Variants in GABRA3 observed in about 807,000 individuals in gnomAD.
GABRA3 encodes the protein gamma-aminobutyric acid receptor subunit alpha-3.
GABRA3 carries 10 observed loss-of-function variants against 30.1 expected under a neutral mutation model. The ratio of observed to expected loss-of-function variants is 0.33; its 90% CI spans 0.20 to 0.56. GABRA3 has a LOEUF of 0.56. GABRA3 is among the 20% of genes least tolerant of loss of function. The probability of loss-of-function intolerance (pLI) is 0.89; values close to 1 mark genes in which losing one functional copy is unlikely to be tolerated. For missense variants in GABRA3, 233 were observed against 392.0 expected (o/e 0.59, Z 3.42); for synonymous variants, 151 against 146.8 (o/e 1.03, Z -0.21).
At chrX:152,225,992 G>A (rs12013024) in intron 5 of GABRA3, among the ~76,000 whole-genome samples, 2,690 of 110,529 alleles carry the variant, frequency 0.024, 45 homozygotes, top group Middle Eastern at 0.066. Context: ...CAGAAATCTC[G>A]CCTAATAAAA....
chrX:152,254,917 A>G (rs913512457), intron 5 of GABRA3, among the ~76,000 whole-genome samples: 4 of 111,834 alleles, frequency 3.6e-5, no homozygotes, highest in Non-Finnish European at 7.5e-5. Context: ...AGCAAACCCA[A>G]AAACCAAGAA....
chrX:152,327,935 A>G (rs888756309), intron 3 of GABRA3, among the ~76,000 whole-genome samples: 1 of 111,635 alleles, frequency 9.0e-6, no homozygotes, highest in Non-Finnish European at 1.9e-5. Flanking sequence ...AAAGATCAAC[A>G]AAATTGATAG....
intron 6 of GABRA3, among the ~76,000 whole-genome samples, chrX:152,211,052 T>G (rs1435114708): frequency 9.0e-6 from 1 of 110,883 alleles, no homozygotes; most frequent in East Asian, 2.9e-4. Flanking sequence ...CCCCTACTCC[T>G]AAGCAGGGAA....
intron 4 of GABRA3, among the ~76,000 whole-genome samples, chrX:152,263,156 G>A (rs1018395517): frequency 1.5e-4 from 17 of 110,846 alleles, no homozygotes; most frequent in Non-Finnish European, 1.9e-5. Flanking sequence ...TCCCTTCTGT[G>A]ACATGTGGGG....
rs1937345812 is a variant in GABRA3 at position 152,193,228 on chromosome X, G to A, written c.932-3287C>T. On this transcript the variant is annotated intron_variant, in intron 8 of 9. Transcript: ENST00000370314. ...TCCTTGGTCTTAGGTAACCACTGATGTGCTTTCATTTTCTATGGATTAGAT... is the reference window on the plus strand; with the variant it reads ...TCCTTGGTCTTAGGTAACCACTGATATGCTTTCATTTTCTATGGATTAGAT... 4.5e-5 allele frequency among the ~76,000 whole-genome samples: 5 copies of A among 110,868 alleles called. No homozygotes were observed. The South Asian group carries it at 1.9e-3, about 42-fold the overall frequency.
chrX:152,375,625 C>T (rs997701278), intron 1 of GABRA3, among the ~76,000 whole-genome samples: 4 of 111,985 alleles, frequency 3.6e-5, no homozygotes, highest in African/African-American at 1.3e-4. Flanking sequence ...GTTCATATGA[C>T]CTTCCACTGT....
intron 3 of GABRA3, among the ~76,000 whole-genome samples, chrX:152,339,097 T>C (rs768327029): frequency 7.2e-5 from 8 of 111,500 alleles, no homozygotes; most frequent in African/African-American, 2.6e-4. Context: ...AGAGATTACA[T>C]TGAGTCTGTA....
At chrX:152,179,730 G>A (rs1937121316) in intron 9 of GABRA3, among the ~76,000 whole-genome samples, 1 of 110,431 alleles carries the variant, frequency 9.1e-6, no homozygotes, top group Non-Finnish European at 1.9e-5. Context: ...TCCTGACCTC[G>A]TGATCTGCCC....
intron 2 of GABRA3, among the ~76,000 whole-genome samples, chrX:152,362,031 T>G (rs1005554131): frequency 1.8e-5 from 2 of 111,402 alleles, no homozygotes; most frequent in African/African-American, 3.3e-5. Flanking sequence ...GAACTGGTTT[T>G]ATTTTCCATT....
intron 1 of GABRA3, among the ~76,000 whole-genome samples, chrX:152,366,934 A>C (rs1285479825): frequency 9.0e-6 from 1 of 111,478 alleles, no homozygotes; most frequent in African/African-American, 3.3e-5. Context: ...AAAATTTTTC[A>C]CTGTAGCAGA....
At chrX:152,203,971 G>C (rs893563015) in intron 7 of GABRA3, among the ~76,000 whole-genome samples, 4 of 111,976 alleles carry the variant, frequency 3.6e-5, no homozygotes, top group Non-Finnish European at 7.5e-5. Flanking sequence ...CGCAAGAACT[G>C]AGTGTATATT....
chrX:152,168,238 C>A lies in GABRA3; in HGVS notation c.1469G>T (p.Arg490Leu), dbSNP rs78429013. ...CACTGCCACCACTATCTACTGTTTG[C>A]GGATCATGCCCTTGATAGCTGACTC... The part of the protein sequence containing the change: ...NRESAIKGMI[R>L]KQ The change falls in exon 10 of 10, where the codon CGC becomes CTC. Residue 490 changes from arginine to leucine, a missense_variant. Coordinates refer to ENST00000370314, the MANE Select transcript of GABRA3 (RefSeq NM_000808.4). The A allele has an allele frequency of 8.3e-7, 1 of 1,207,622 alleles. No individual in the cohort carries two copies. Among genetic ancestry groups the A allele is most frequent in the Admixed American group, 2.2e-5 (1 of 45,978 alleles).
At chrX:152,405,010 T>C (rs983625920) in intron 1 of GABRA3, among the ~76,000 whole-genome samples, 3 of 108,574 alleles carry the variant, frequency 2.8e-5, no homozygotes, top group African/African-American at 1.0e-4. Context: ...AAAATACTCA[T>C]GTAAGAGATC....
intron 5 of GABRA3, among the ~76,000 whole-genome samples, chrX:152,242,482 A>G (rs1182821663): frequency 8.9e-6 from 1 of 112,120 alleles, no homozygotes; most frequent in African/African-American, 3.2e-5. Context: ...GAGATAACCT[A>G]TGGAACGGGA....
intron 6 of GABRA3, among the ~76,000 whole-genome samples, chrX:152,215,337 T>G (rs778399115): frequency 4.5e-5 from 5 of 110,836 alleles, no homozygotes; most frequent in Non-Finnish European, 9.5e-5. Context: ...TACATTCTTT[T>G]TCTATACCTA....
chrX:152,317,619 C>G (rs1019525844), intron 3 of GABRA3, among the ~76,000 whole-genome samples: 20 of 111,794 alleles, frequency 1.8e-4, no homozygotes, highest in African/African-American at 6.2e-4. Context: ...ATCAAGTACT[C>G]TCTCAGACCA....
chrX:152,211,714 A>C (rs1303244892), intron 6 of GABRA3, among the ~76,000 whole-genome samples: 1 of 111,403 alleles, frequency 9.0e-6, no homozygotes, highest in South Asian at 3.8e-4. Flanking sequence ...TGCAATTTGG[A>C]ATATAGGAGT....
At chrX:152,372,913 A>G (rs1267532344) in intron 1 of GABRA3, among the ~76,000 whole-genome samples, 1 of 111,841 alleles carries the variant, frequency 8.9e-6, no homozygotes, top group Non-Finnish European at 1.9e-5. Flanking sequence ...GAGAGACAAG[A>G]TGAGAACTAT....
At position 152,256,050 on chromosome X, in the gene GABRA3, T is replaced by C. The variant is rs188289055; in HGVS notation, c.331-52A>G. ...GTTTCAGTTGAGTTCTGGTAAGGGCTCATAGTGCCCTTAGCAAATATTAAT... is the reference window on the plus strand; with the variant it reads ...GTTTCAGTTGAGTTCTGGTAAGGGCCCATAGTGCCCTTAGCAAATATTAAT... On this transcript the variant is annotated intron_variant, in intron 4 of 9. Coordinates refer to ENST00000370314, the MANE Select transcript of GABRA3 (RefSeq NM_000808.4). 67 of 902,216 alleles carry C rather than the reference T, an allele frequency of 7.4e-5. No individual in the cohort carries two copies. The East Asian group carries it at 1.7e-3, about 23-fold the overall frequency. The allele number at this position is 902,216 out of a possible 1,213,427, so 74.4% of individuals were successfully genotyped here. A position where few individuals can be genotyped will look rare whatever the true frequency, so the allele number is the denominator to read the frequency against.
Sources: allele counts gnomAD v4.1 joint callset (sites outside exome capture counted in the v4.1 genomes callset), GRCh38; gene constraint gnomAD v4.1.1; transcripts MANE v1.5; gene names NCBI Gene and HGNC (gene_info 2026-07-23, HGNC 2026-07-21).